KIAA1217: variants seen among roughly 807,000 people sequenced by gnomAD.
KIAA1217 encodes the protein KIAA1217.
In KIAA1217, 88 loss-of-function variants were observed where a neutral mutation model predicts 163.9. The observed-to-expected ratio is 0.54, with a 90% confidence interval of 0.45 to 0.64. KIAA1217 has a LOEUF of 0.64. Among genes scored for constraint, KIAA1217 ranks in the 30% least tolerant of loss-of-function variants. The pLI, the probability that KIAA1217 is intolerant of heterozygous loss-of-function variation, is 0.00. For missense variants in KIAA1217, 2,372 were observed against 2,475.0 expected, an observed-to-expected ratio of 0.96 and a Z score of 0.88; for synonymous variants, 903 against 923.1, an observed-to-expected ratio of 0.98 and a Z score of 0.39.
At chr10:24,004,865 T>TC (rs1304782711) in intron 1 of KIAA1217, among the ~76,000 whole-genome samples, 1 of 152,112 alleles carries the variant, frequency 6.6e-6, no homozygotes, top group African/African-American at 2.4e-5. Context: ...ATTGGGCCAA[T>TC]CTAGTGGGAA....
intron 2 of KIAA1217, among the ~76,000 whole-genome samples, chr10:24,225,395 A>T (rs1382396890): frequency 6.6e-6 from 1 of 152,198 alleles, no homozygotes; most frequent in East Asian, 1.9e-4. Context: ...AAGTGCTGGG[A>T]TCATGAGCCA....
intron 2 of KIAA1217, among the ~76,000 whole-genome samples, chr10:24,082,742 T>A (rs1162837438): frequency 6.6e-6 from 1 of 152,236 alleles, no homozygotes; most frequent in Non-Finnish European, 1.5e-5. Context: ...ATGATTTATA[T>A]TTCTTTGGGT....
chr10:24,069,538 C>G (rs181537184), intron 2 of KIAA1217, among the ~76,000 whole-genome samples: 30 of 152,270 alleles, frequency 2.0e-4, no homozygotes, highest in African/African-American at 6.5e-4. Context: ...TCTGCCCCTC[C>G]TCCTGAAGAA....
At chr10:24,135,341 A>T (rs1342397026) in intron 2 of KIAA1217, among the ~76,000 whole-genome samples, 1 of 152,102 alleles carries the variant, frequency 6.6e-6, no homozygotes, top group Non-Finnish European at 1.5e-5. Context: ...ACTTTAAGTC[A>T]GTGAGTTTTA....
chr10:24,094,511 G>T (rs1277175669), intron 2 of KIAA1217, among the ~76,000 whole-genome samples: 1 of 152,216 alleles, frequency 6.6e-6, no homozygotes, highest in Admixed American at 6.5e-5. Flanking sequence ...GACCCTGTTT[G>T]CCTGGGTATC....
At chr10:23,897,618 T>C (rs749218742) in intron 1 of KIAA1217, among the ~76,000 whole-genome samples, 1 of 152,040 alleles carries the variant, frequency 6.6e-6, no homozygotes, top group South Asian at 2.1e-4. Flanking sequence ...TGCTCTTATA[T>C]AGGCCCCTGG....
chr10:23,728,682 A>G (rs11013667), intron 1 of KIAA1217, among the ~76,000 whole-genome samples: 33,216 of 152,120 alleles, frequency 0.22, 3,873 homozygotes, highest in Middle Eastern at 0.29. Flanking sequence ...CCATTTCTCA[A>G]TACATTCAGG....
chr10:23,915,357 G>A (rs61697412), intron 1 of KIAA1217, among the ~76,000 whole-genome samples: 14,681 of 152,172 alleles, frequency 0.096, 2,391 homozygotes, highest in African/African-American at 0.33. Flanking sequence ...GGAGATGTGG[G>A]GGGGAGGGAA....
chr10:23,949,561 GA>G (rs1008598881), intron 1 of KIAA1217, among the ~76,000 whole-genome samples: 2 of 151,426 alleles, frequency 1.3e-5, no homozygotes, highest in East Asian at 1.9e-4. Context: ...TTATTTGCTA[GA>G]AAAAAAATAG....
At position 23,843,441 on chromosome 10, in the gene KIAA1217, C is replaced by T. The variant is rs561866733; in HGVS notation, c.-321+148207C>T. Reference sequence around the variant, plus strand: ...GATGACTTAAAAATCAATCCCTGTTCCTCCCTGCCTTCCTCTCTGATCCTG... The same window carrying T: ...GATGACTTAAAAATCAATCCCTGTTTCTCCCTGCCTTCCTCTCTGATCCTG... On this transcript the variant is annotated intron_variant, in intron 1 of 18. Transcript: ENST00000376462. 7.9e-5 allele frequency among the ~76,000 whole-genome samples: 12 copies of T among 152,252 alleles called. 1 individual carries two copies. Among genetic ancestry groups the T allele is most frequent in the Admixed American group, 7.2e-4 (11 of 15,270 alleles).
At chr10:23,812,978 T>A (rs1348645647) in intron 1 of KIAA1217, among the ~76,000 whole-genome samples, 3 of 137,500 alleles carry the variant, frequency 2.2e-5, no homozygotes, top group African/African-American at 9.1e-5. Context: ...AATTGCTGGG[T>A]CTATGGTAAC....
intron 3 of KIAA1217, among the ~76,000 whole-genome samples, chr10:24,416,011 C>G (rs903166251): frequency 3.9e-5 from 6 of 152,182 alleles, no homozygotes. Context: ...CGGCTGGCTG[C>G]TGGCTTCAGG....
At chr10:24,186,683 G>A (rs766727607) in intron 2 of KIAA1217, among the ~76,000 whole-genome samples, 1 of 152,098 alleles carries the variant, frequency 6.6e-6, no homozygotes, top group African/African-American at 2.4e-5. Flanking sequence ...CTGAGGTCAG[G>A]AGTTGAAGAC....
intron 1 of KIAA1217, among the ~76,000 whole-genome samples, chr10:23,993,004 T>C (rs893172532): frequency 2.1e-4 from 31 of 148,782 alleles, no homozygotes; most frequent in Non-Finnish European, 7.4e-5. Context: ...CTTGTCCCCA[T>C]GAACAAAGGT....
At chr10:23,927,682 A>C (rs991381610) in intron 1 of KIAA1217, among the ~76,000 whole-genome samples, 2 of 152,132 alleles carry the variant, frequency 1.3e-5, no homozygotes, top group African/African-American at 4.8e-5. Context: ...CCTTTCCCAG[A>C]ATAAATGCTT....
chr10:24,153,410 C>T (rs1249432979), intron 2 of KIAA1217, among the ~76,000 whole-genome samples: 5 of 152,158 alleles, frequency 3.3e-5, no homozygotes, highest in African/African-American at 1.2e-4. Context: ...TTACATGGTA[C>T]CATATGTCTT....
intron 2 of KIAA1217, among the ~76,000 whole-genome samples, chr10:24,127,350 A>T (rs968063711): frequency 5.5e-4 from 84 of 152,218 alleles, no homozygotes; most frequent in African/African-American, 2.0e-3. Context: ...CCTTGAAAAA[A>T]TTTTCAGGGA....
At chr10:23,933,696 G>GA (rs998575902) in intron 1 of KIAA1217, among the ~76,000 whole-genome samples, 83 of 150,386 alleles carry the variant, frequency 5.5e-4, no homozygotes, top group East Asian at 7.8e-4. Context: ...ATATTTAAAA[G>GA]AAAAAAAAAT....
intron 2 of KIAA1217, among the ~76,000 whole-genome samples, chr10:24,342,260 C>T (rs75383546): frequency 0.017 from 2,655 of 152,272 alleles, 86 homozygotes; most frequent in African/African-American, 0.059. Context: ...AGAGACCTAC[C>T]TCACATACTT....
Sources: allele counts gnomAD v4.1 joint callset (sites outside exome capture counted in the v4.1 genomes callset), GRCh38; gene constraint gnomAD v4.1.1; transcripts MANE v1.5; gene names NCBI Gene and HGNC (gene_info 2026-07-23, HGNC 2026-07-21).